The following IL1RAPL2 variants were observed in gnomAD, a reference collection of about 807,000 sequenced individuals.
The protein encoded by IL1RAPL2 is interleukin 1 receptor accessory protein like 2.
IL1RAPL2 carries 3 observed loss-of-function variants against 44.1 expected under a neutral mutation model. The ratio of observed to expected loss-of-function variants is 0.07; its 90% CI spans 0.03 to 0.18. The LOEUF is 0.18. Ranked by LOEUF, IL1RAPL2 falls within the 10% of genes least tolerant of loss-of-function variation. The probability of loss-of-function intolerance (pLI) is 1.00; values close to 1 mark genes in which losing one functional copy is unlikely to be tolerated. For synonymous variants in IL1RAPL2, 181 were observed against 178.8 expected (o/e 1.01, Z -0.10); for missense variants, 391 against 496.4 (o/e 0.79, Z 2.02).
At chrX:105,321,294 G>A (rs965014820) in intron 5 of IL1RAPL2, among the ~76,000 whole-genome samples, 3 of 111,644 alleles carry the variant, frequency 2.7e-5, no homozygotes, top group Non-Finnish European at 5.6e-5. Flanking sequence ...GCTCAGAGAG[G>A]GGAAATTTAC....
intron 5 of IL1RAPL2, among the ~76,000 whole-genome samples, chrX:105,271,651 T>G (rs1016169334): frequency 9.0e-6 from 1 of 111,134 alleles, no homozygotes; most frequent in African/African-American, 3.3e-5. Context: ...TTTCACGATA[T>G]TGATTCTTCC....
intron 6 of IL1RAPL2, among the ~76,000 whole-genome samples, chrX:105,652,206 G>T (rs1355861855): frequency 9.0e-6 from 1 of 111,603 alleles, no homozygotes; most frequent in Non-Finnish European, 1.9e-5. Flanking sequence ...CTTGGTAAAA[G>T]AACCTACAGA....
chrX:105,618,108 C>A (rs1432379780), intron 6 of IL1RAPL2, among the ~76,000 whole-genome samples: 3 of 106,760 alleles, frequency 2.8e-5, no homozygotes, highest in African/African-American at 1.1e-4. Flanking sequence ...CTCTGTATCT[C>A]TCTCTCTCTC....
intron 2 of IL1RAPL2, among the ~76,000 whole-genome samples, chrX:104,730,556 C>T (rs1367983860): frequency 1.9e-5 from 2 of 105,889 alleles, no homozygotes; most frequent in East Asian, 6.1e-4. Flanking sequence ...ATGAACTCAT[C>T]ATTTTTTATG....
rs1246118617 is a variant in IL1RAPL2, at chrX:105,200,896, G to A, written c.356+5148G>A. 2.7e-5 allele frequency among the ~76,000 whole-genome samples: 3 copies of A among 110,128 alleles called. No individual in the cohort carries two copies. The East Asian group carries it at 8.6e-4, about 31-fold the overall frequency. ...ACTGCACTCCAGTCTGGGTGACAGA[G>A]TGAGACTCCGTTTCACACCCACACA... On this transcript the variant is annotated intron_variant, in intron 3 of 10. Transcript: ENST00000372582.
At chrX:105,610,459 A>G (rs1402846275) in intron 6 of IL1RAPL2, among the ~76,000 whole-genome samples, 1 of 111,738 alleles carries the variant, frequency 8.9e-6, no homozygotes, top group Non-Finnish European at 1.9e-5. Context: ...TCTGTAGGCA[A>G]TCCCCAGCAC....
At chrX:104,759,911 T>C (rs778858193) in intron 2 of IL1RAPL2, among the ~76,000 whole-genome samples, 1 of 111,843 alleles carries the variant, frequency 8.9e-6, no homozygotes, top group Admixed American at 9.5e-5. Flanking sequence ...TTTCTAACTT[T>C]TTTTGTGCCC....
At chrX:105,395,549 A>C (rs963980235) in intron 5 of IL1RAPL2, among the ~76,000 whole-genome samples, 1 of 110,936 alleles carries the variant, frequency 9.0e-6, no homozygotes, top group African/African-American at 3.3e-5. Flanking sequence ...TCTTCAGTAC[A>C]TTCAGTGTTG....
intron 3 of IL1RAPL2, among the ~76,000 whole-genome samples, chrX:105,207,973 A>T (rs1194252724): frequency 1.8e-5 from 2 of 111,912 alleles, no homozygotes; most frequent in Non-Finnish European, 3.8e-5. Context: ...CTTTTGTCTT[A>T]TAGAATCGTG....
chrX:104,693,239 G>T (rs753347222), intron 2 of IL1RAPL2, among the ~76,000 whole-genome samples: 1 of 111,545 alleles, frequency 9.0e-6, no homozygotes, highest in East Asian at 2.8e-4. Context: ...TTGTACATGT[G>T]TTAGGAAAAA....
intron 2 of IL1RAPL2, among the ~76,000 whole-genome samples, chrX:104,984,658 AT>A (rs2030526812): frequency 8.9e-6 from 1 of 112,197 alleles, no homozygotes; most frequent in African/African-American, 3.2e-5. Context: ...TAGGGATTCC[AT>A]TTTACATTAA....
At chrX:104,686,894 C>T (rs1930998030) in intron 2 of IL1RAPL2, among the ~76,000 whole-genome samples, 1 of 111,871 alleles carries the variant, frequency 8.9e-6, no homozygotes. Context: ...ATGTAAATAC[C>T]AATTCTAACA....
chrX:104,682,635 C>G (rs753883422), intron 2 of IL1RAPL2, among the ~76,000 whole-genome samples: 1 of 111,671 alleles, frequency 9.0e-6, no homozygotes, highest in Non-Finnish European at 1.9e-5. Flanking sequence ...GAGTCAGGGC[C>G]TAATAAATAA....
At chrX:105,338,764 A>C (rs1003577093) in intron 5 of IL1RAPL2, among the ~76,000 whole-genome samples, 2 of 110,906 alleles carry the variant, frequency 1.8e-5, no homozygotes, top group Admixed American at 9.6e-5. Context: ...ACCTCCTCCT[A>C]CAACTGACCA....
intron 6 of IL1RAPL2, among the ~76,000 whole-genome samples, chrX:105,515,754 A>G (rs150254764): frequency 3.7e-4 from 42 of 112,086 alleles, no homozygotes; most frequent in African/African-American, 1.3e-3. Flanking sequence ...GTGGTGGGAA[A>G]GAAAACCACG....
chrX:105,636,439 G>A (rs2037523881), intron 6 of IL1RAPL2, among the ~76,000 whole-genome samples: 1 of 111,636 alleles, frequency 9.0e-6, no homozygotes, highest in Non-Finnish European at 1.9e-5. Context: ...CAGCGTATTA[G>A]ATAATGATAT....
intron 5 of IL1RAPL2, among the ~76,000 whole-genome samples, chrX:105,370,906 G>GT (rs771673877): frequency 8.9e-6 from 1 of 111,969 alleles, no homozygotes; most frequent in South Asian, 3.7e-4. Flanking sequence ...AGCACCTGTT[G>GT]TTTTTTGACT....
intron 2 of IL1RAPL2, among the ~76,000 whole-genome samples, chrX:104,870,128 G>A (rs969385336): frequency 3.6e-5 from 4 of 111,794 alleles, no homozygotes; most frequent in African/African-American, 1.3e-4. Context: ...CAAATTAAAT[G>A]AGCTTAGAGA....
intron 6 of IL1RAPL2, among the ~76,000 whole-genome samples, chrX:105,535,814 G>A (rs184080025): frequency 3.6e-5 from 4 of 111,411 alleles, no homozygotes; most frequent in Non-Finnish European, 7.5e-5. Flanking sequence ...TAGCATGAAG[G>A]AATGTTTTTA....
Sources: gnomAD v4.1 joint callset for allele counts (sites outside exome capture counted in the v4.1 genomes callset) on GRCh38, gnomAD v4.1.1 for gene constraint, MANE v1.5 for transcripts, NCBI Gene and HGNC (gene_info 2026-07-23, HGNC 2026-07-21) for gene names.